Variants in CNTLN observed in about 807,000 individuals in gnomAD.
CNTLN encodes the protein centlein, also known as centlein, centrosomal protein.
A neutral mutation model predicts 180.0 loss-of-function variants in CNTLN; 212 were observed. The observed-to-expected ratio is 1.18, with a 90% confidence interval of 1.05 to 1.32. The LOEUF (loss-of-function observed/expected upper bound fraction) is 1.32, where lower values mean the gene tolerates loss of function less well. Among genes scored for constraint, CNTLN ranks in the 40% most tolerant of loss-of-function variants. CNTLN has a pLI of 0.00. For synonymous variants in CNTLN, 722 were observed against 563.1 expected (o/e 1.28, Z -3.99); for missense variants, 2,095 against 1,610.9 (o/e 1.30, Z -5.14).
intron 13 of CNTLN, among the ~76,000 whole-genome samples, chr9:17,385,910 C>T (rs777435452): frequency 6.6e-6 from 1 of 152,140 alleles, no homozygotes; most frequent in Non-Finnish European, 1.5e-5. Context: ...GTATGTGTTT[C>T]TTATTGTATC....
At chr9:17,478,189 CT>C (rs751166391) in intron 23 of CNTLN, among the ~76,000 whole-genome samples, 1 of 152,172 alleles carries the variant, frequency 6.6e-6, no homozygotes, top group Non-Finnish European at 1.5e-5. Context: ...ATAAACATAA[CT>C]TTTACATTCA....
intron 13 of CNTLN, among the ~76,000 whole-genome samples, chr9:17,371,236 C>T (rs1368994433): frequency 6.6e-6 from 1 of 152,030 alleles, no homozygotes; most frequent in Non-Finnish European, 1.5e-5. Flanking sequence ...AGAAACGCTT[C>T]ATCTATAAAG....
At chr9:17,360,441 C>T (rs1306552212) in intron 12 of CNTLN, among the ~76,000 whole-genome samples, 1 of 152,066 alleles carries the variant, frequency 6.6e-6, no homozygotes, top group East Asian at 1.9e-4. Context: ...GCTAAACTGA[C>T]CTTATCAGGA....
chr9:17,166,490 G>A (rs544163670), intron 2 of CNTLN, among the ~76,000 whole-genome samples: 1 of 152,282 alleles, frequency 6.6e-6, no homozygotes, highest in East Asian at 1.9e-4. Context: ...AGGAGTTTAG[G>A]ATTGAAAGCA....
intron 5 of CNTLN, among the ~76,000 whole-genome samples, chr9:17,266,478 T>A: frequency 6.6e-6 from 1 of 152,136 alleles, no homozygotes; most frequent in Non-Finnish European, 1.5e-5. Flanking sequence ...AATTTTGGAA[T>A]AGGTGTGGTG....
At chr9:17,187,831 A>G (rs1445508253) in intron 2 of CNTLN, among the ~76,000 whole-genome samples, 5 of 151,634 alleles carry the variant, frequency 3.3e-5, no homozygotes, top group Non-Finnish European at 7.4e-5. Context: ...TGGAACTTTA[A>G]AAGAACCTAT....
intron 17 of CNTLN, 24 bp from the exon 18 acceptor site, chr9:17,415,942 A>AT: frequency 5.0e-6 from 8 of 1,588,600 alleles, no homozygotes; most frequent in Non-Finnish European, 6.9e-6. Flanking sequence ...TTTTTAAAAT[A>AT]TGAACAATAT....
chr9:17,175,882 A>T (rs1820688917), intron 2 of CNTLN, among the ~76,000 whole-genome samples: 1 of 152,048 alleles, frequency 6.6e-6, no homozygotes, highest in South Asian at 2.1e-4. Context: ...ATGGTAAATG[A>T]TACTGTATTT....
At chr9:17,444,568 G>T (rs1830295662) in intron 18 of CNTLN, among the ~76,000 whole-genome samples, 1 of 152,070 alleles carries the variant, frequency 6.6e-6, no homozygotes, top group Admixed American at 6.5e-5. Flanking sequence ...CACACATCTG[G>T]GTAGTATGTA....
chr9:17,273,549 T>C (rs1268960222), intron 5 of CNTLN, among the ~76,000 whole-genome samples, 184 bp from the exon 6 acceptor site: 1 of 152,164 alleles, frequency 6.6e-6, no homozygotes, highest in Non-Finnish European at 1.5e-5. Flanking sequence ...TGTTTTTAAG[T>C]TTTTGAAAGA....
intron 6 of CNTLN, among the ~76,000 whole-genome samples, chr9:17,293,918 G>A (rs189670281): frequency 2.4e-4 from 36 of 152,258 alleles, no homozygotes; most frequent in South Asian, 2.1e-4. Flanking sequence ...TGGAAAAAGC[G>A]TGGTTTCCCA....
chr9:17,307,933 T>G (rs1818833626), intron 7 of CNTLN, among the ~76,000 whole-genome samples: 1 of 151,210 alleles, frequency 6.6e-6, no homozygotes, highest in Non-Finnish European at 1.5e-5. Context: ...ATTTGAGGGT[T>G]TTGCTCTTAT....
chr9:17,399,407 A>G (rs1212496609), intron 15 of CNTLN, among the ~76,000 whole-genome samples: 1 of 152,220 alleles, frequency 6.6e-6, no homozygotes, highest in Admixed American at 6.5e-5. Context: ...AACACAACAT[A>G]AACTTCCATG....
At chr9:17,238,515 T>C (rs180993547) in intron 5 of CNTLN, among the ~76,000 whole-genome samples, 1 of 152,262 alleles carries the variant, frequency 6.6e-6, no homozygotes, top group Admixed American at 6.5e-5. Flanking sequence ...GTCTTGTACC[T>C]AGAGTCCAAG....
intron 2 of CNTLN, among the ~76,000 whole-genome samples, chr9:17,149,262 C>T (rs1818672471): frequency 6.6e-6 from 1 of 152,114 alleles, no homozygotes. Context: ...ATTGTGAATA[C>T]TGCCACAGTG....
intron 2 of CNTLN, among the ~76,000 whole-genome samples, chr9:17,149,263 T>C (rs1402884997): frequency 6.6e-6 from 1 of 152,228 alleles, no homozygotes; most frequent in African/African-American, 2.4e-5. Flanking sequence ...TTGTGAATAC[T>C]GCCACAGTGA....
chr9:17,392,181 C>CT (rs2133700662), intron 14 of CNTLN, among the ~76,000 whole-genome samples: 1 of 152,212 alleles, frequency 6.6e-6, no homozygotes, highest in East Asian at 1.9e-4. Context: ...GTGGGAGGAT[C>CT]ACTTGAGCCC....
At chr9:17,265,566 G>A (rs548012273) in intron 5 of CNTLN, among the ~76,000 whole-genome samples, 2 of 151,422 alleles carry the variant, frequency 1.3e-5, no homozygotes, top group South Asian at 2.1e-4. Flanking sequence ...TAAAATGAGG[G>A]AGGATTCCCT....
In CNTLN at chr9:17,235,666, A is replaced by T. The variant is rs368343858; in HGVS notation, c.543A>T (p.Ser181=). 5.1e-5 allele frequency: 82 copies of T among 1,592,988 alleles called. 1 individual carries two copies. The African/African-American group carries it at 1.0e-3, about 20-fold the overall frequency. The change falls in exon 4 of 26, where the codon TCA becomes TCT. Residue 181 remains serine (S), a synonymous_variant. Transcript: ENST00000380647. ...TAAATTTTTTTCCACAGAGAGAGTCAGTACTGAAACAGGAAATAAATGACC... is the reference window on the plus strand; with the variant it reads ...TAAATTTTTTTCCACAGAGAGAGTCTGTACTGAAACAGGAAATAAATGACC... ...AKIQEFEQRE[S]VLKQEINDLV... is the part of the protein sequence containing the mutation.
Sources: gnomAD v4.1 joint callset for allele counts (sites outside exome capture counted in the v4.1 genomes callset) on GRCh38, gnomAD v4.1.1 for gene constraint, MANE v1.5 for transcripts, NCBI Gene and HGNC (gene_info 2026-07-23, HGNC 2026-07-21) for gene names.